The following SLC24A3 variants were observed in gnomAD, a reference collection of about 807,000 sequenced individuals.
The protein encoded by SLC24A3 is sodium/potassium/calcium exchanger 3.
SLC24A3 carries 28 observed loss-of-function variants against 75.8 expected under a neutral mutation model. That is an observed-to-expected ratio of 0.37 (90% confidence interval 0.27 to 0.51). SLC24A3 has a LOEUF of 0.51. Ranked by LOEUF, SLC24A3 falls within the 20% of genes least tolerant of loss-of-function variation. The pLI, the probability that SLC24A3 is intolerant of heterozygous loss-of-function variation, is 0.94. For synonymous variants in SLC24A3, 372 were observed against 334.1 expected (o/e 1.11, Z -1.24); for missense variants, 663 against 847.8 (o/e 0.78, Z 2.71).
intron 1 of SLC24A3, among the ~76,000 whole-genome samples, chr20:19,218,765 A>G (rs1981630885): frequency 6.6e-6 from 1 of 151,940 alleles, no homozygotes; most frequent in Non-Finnish European, 1.5e-5. Context: ...ATTTGCTGAA[A>G]ATTCCAAGGC....
intron 13 of SLC24A3, 123 bp from the exon 14 acceptor site, chr20:19,696,674 C>T: frequency 1.5e-6 from 1 of 658,786 alleles, no homozygotes; most frequent in South Asian, 1.8e-5. Flanking sequence ...ATACAGAGAG[C>T]AGACATTGCA....
chr20:19,426,577 C>T lies in SLC24A3; in HGVS notation c.272-88911C>T, dbSNP rs990674212. ...TGGATTGTTTCCAATACTTTGCTATCACAAATAATGCTGTGGTCAGTTATT... is the reference window on the plus strand; with the variant it reads ...TGGATTGTTTCCAATACTTTGCTATTACAAATAATGCTGTGGTCAGTTATT... On this transcript the variant is annotated intron_variant, in intron 2 of 16. Transcript: ENST00000328041. Among the ~76,000 whole-genome samples the T allele has an allele frequency of 2.0e-5, 3 of 152,324 alleles. No individual in the cohort carries two copies. In the East Asian group the frequency reaches 5.8e-4, roughly 29 times the overall value.
chr20:19,244,917 G>A (rs931193652), intron 1 of SLC24A3, among the ~76,000 whole-genome samples: 7 of 152,144 alleles, frequency 4.6e-5, no homozygotes, highest in African/African-American at 9.7e-5. Context: ...TCTCCTGGTG[G>A]CATTTGCCCA....
chr20:19,405,769 A>G (rs748194933), intron 2 of SLC24A3, among the ~76,000 whole-genome samples: 4 of 152,242 alleles, frequency 2.6e-5, no homozygotes, highest in Non-Finnish European at 1.5e-5. Context: ...ACAAAGGATA[A>G]TTATTGAAAG....
chr20:19,509,410 G>A (rs1195164792), intron 2 of SLC24A3, among the ~76,000 whole-genome samples: 1 of 152,228 alleles, frequency 6.6e-6, no homozygotes, highest in Non-Finnish European at 1.5e-5. Context: ...GGAGGCGCTA[G>A]AGGCCCCACA....
chr20:19,226,642 G>A (rs1476720133), intron 1 of SLC24A3, among the ~76,000 whole-genome samples: 1 of 152,172 alleles, frequency 6.6e-6, no homozygotes, highest in Non-Finnish European at 1.5e-5. Flanking sequence ...GCCGAGGACT[G>A]TTCTAAGTGC....
At chr20:19,346,183 G>T (rs1331147404) in intron 2 of SLC24A3, among the ~76,000 whole-genome samples, 1 of 72,364 alleles carries the variant, frequency 1.4e-5, no homozygotes, top group Non-Finnish European at 2.4e-5. Flanking sequence ...ATATATATAT[G>T]GTGTATATAT....
At chr20:19,341,024 C>T (rs1316159816) in intron 2 of SLC24A3, among the ~76,000 whole-genome samples, 1 of 152,172 alleles carries the variant, frequency 6.6e-6, no homozygotes, top group South Asian at 2.1e-4. Context: ...TGCATGTAAG[C>T]TCTTCCCTCC....
intron 1 of SLC24A3, chr20:19,261,757 C>T (rs1050946589): frequency 2.6e-5 from 4 of 152,340 alleles, no homozygotes; most frequent in East Asian, 1.9e-4. Flanking sequence ...CGTAAGGCCA[C>T]GTAGGTCCGA....
At chr20:19,611,992 G>A (rs2031676646) in intron 6 of SLC24A3, among the ~76,000 whole-genome samples, 1 of 152,144 alleles carries the variant, frequency 6.6e-6, no homozygotes, top group African/African-American at 2.4e-5. Context: ...CCTCCCCACT[G>A]AGGTGTTATG....
At chr20:19,536,626 T>C (rs373242045) in intron 3 of SLC24A3, among the ~76,000 whole-genome samples, 33 of 152,306 alleles carry the variant, frequency 2.2e-4, no homozygotes, top group African/African-American at 7.2e-4. Context: ...CTTCAAACTA[T>C]ACTACAAGGC....
chr20:19,412,256 C>A lies in SLC24A3; in HGVS notation c.272-103232C>A, dbSNP rs376335005. On this transcript the variant is annotated intron_variant, in intron 2 of 16. Coordinates refer to ENST00000328041, the MANE Select transcript of SLC24A3 (RefSeq NM_020689.4). ...ATTATTCAGGCAGGAGTGACCCAGACAAAGAAAGATGGGCTTGGTTGGGGT... is the reference window on the plus strand; with the variant it reads ...ATTATTCAGGCAGGAGTGACCCAGAAAAAGAAAGATGGGCTTGGTTGGGGT... Among the ~76,000 whole-genome samples, 33 of 152,134 alleles carry A rather than the reference C, an allele frequency of 2.2e-4. No individual in the cohort carries two copies. In the South Asian group the frequency reaches 5.4e-3, roughly 25 times the overall value.
intron 6 of SLC24A3, among the ~76,000 whole-genome samples, chr20:19,640,246 C>G (rs2032060258): frequency 6.6e-6 from 1 of 152,188 alleles, no homozygotes; most frequent in Non-Finnish European, 1.5e-5. Flanking sequence ...TCTTTCCTAA[C>G]AAGACATCAA....
intron 2 of SLC24A3, among the ~76,000 whole-genome samples, chr20:19,451,468 A>G (rs941924695): frequency 2.0e-5 from 3 of 152,202 alleles, no homozygotes; most frequent in African/African-American, 7.2e-5. Flanking sequence ...GAGCGGAGCC[A>G]ATCTTTATCT....
chr20:19,595,417 T>A lies in SLC24A3; in HGVS notation c.612+9873T>A, dbSNP rs571518055. ...GGGAGGATGAGTATATGATCAGAGT[T>A]CACAGGGCCCTTCAGCTGGCACAAA... On this transcript the variant is annotated intron_variant, in intron 6 of 16. Transcript: ENST00000328041. Among the ~76,000 whole-genome samples the A allele has an allele frequency of 5.3e-5, 8 of 152,248 alleles. No homozygotes were observed. In the East Asian group the frequency reaches 1.5e-3, roughly 29 times the overall value.
intron 6 of SLC24A3, among the ~76,000 whole-genome samples, chr20:19,636,763 A>C (rs114365091): frequency 2.0e-3 from 307 of 152,294 alleles, no homozygotes; most frequent in African/African-American, 7.0e-3. Context: ...CATATGTATA[A>C]GGCTGCTTCC....
intron 2 of SLC24A3, among the ~76,000 whole-genome samples, chr20:19,395,657 A>G (rs1986441318): frequency 6.6e-6 from 1 of 152,254 alleles, no homozygotes; most frequent in South Asian, 2.1e-4. Context: ...ATGTCAGAAC[A>G]CTGCGGGAGC....
In SLC24A3 at chr20:19,556,443, G is replaced by A. The variant is rs372891420; in HGVS notation, c.349-23557G>A. On this transcript the variant is annotated intron_variant, in intron 3 of 16. Coordinates refer to ENST00000328041, the MANE Select transcript of SLC24A3 (RefSeq NM_020689.4). ...ATTAGTAGAGAATTTAGAGTCAGCT[G>A]AATAATTTCACCATTAAGTCATTTA... Among the ~76,000 whole-genome samples, 71 of 152,196 alleles carry A rather than the reference G, an allele frequency of 4.7e-4. No individual in the cohort carries two copies. The Middle Eastern group carries it at 0.01, about 22-fold the overall frequency.
chr20:19,475,249 G>A (rs1385257079), intron 2 of SLC24A3, among the ~76,000 whole-genome samples: 1 of 151,930 alleles, frequency 6.6e-6, no homozygotes, highest in East Asian at 1.9e-4. Context: ...TGAGGCAGGA[G>A]AATGGCATGA....
Sources: gnomAD v4.1 joint callset for allele counts (sites outside exome capture counted in the v4.1 genomes callset) on GRCh38, gnomAD v4.1.1 for gene constraint, MANE v1.5 for transcripts, NCBI Gene and HGNC (gene_info 2026-07-23, HGNC 2026-07-21) for gene names.